The following CCDC186 variants were observed in gnomAD, a reference collection of about 807,000 sequenced individuals.
CCDC186 encodes the protein coiled-coil domain-containing protein 186.
CCDC186 carries 49 observed loss-of-function variants against 113.7 expected under a neutral mutation model. The ratio of observed to expected loss-of-function variants is 0.43; its 90% confidence interval spans 0.34 to 0.55. The LOEUF is 0.55. CCDC186 is among the 20% of genes least tolerant of loss of function. The pLI is 0.02. For missense variants in CCDC186, 890 were observed against 1,011.1 expected (o/e 0.88, Z 1.62); for synonymous variants, 355 against 345.8 (o/e 1.03, Z -0.30).
rs866805347 is a variant in CCDC186 at position 114,149,830 on chromosome 10, A to C, written c.888+1262T>G. Among the ~76,000 whole-genome samples the C allele has an allele frequency of 4.0e-3, 441 of 109,714 alleles. 2 individuals carry two copies. The highest frequency in any genetic ancestry group is 0.012 in the African/African-American group (285 of 24,708). 72.0% of individuals were successfully genotyped at this position (109,714 alleles called of 152,430 possible). A position where few individuals can be genotyped will look rare whatever the true frequency, so the allele number is the denominator to read the frequency against. ...GAAGGAAGGAAGGCAGGAAGGCAGG[A>C]AGGCAGGAAGGCAGGCAGGCAGGCA... On this transcript the variant is annotated intron_variant, in intron 4 of 15. Coordinates refer to ENST00000369287, the MANE Select transcript of CCDC186 (RefSeq NM_018017.4).
chr10:114,121,125 T>C lies in CCDC186; in HGVS notation c.*4018A>G, dbSNP rs1029799459. On this transcript the variant is annotated 3_prime_UTR_variant, in exon 16 of 16. Coordinates refer to ENST00000369287, the MANE Select transcript of CCDC186 (RefSeq NM_018017.4). ...AATACATCTCTAATATACAATTATA[T>C]TTTTCATTTATTTTCCTAAAAATTC... 1.3e-5 allele frequency: 2 copies of C among 152,172 alleles called. No homozygotes were observed. The highest frequency in any genetic ancestry group is 3.8e-4 in the East Asian group (2 of 5,202). 9.4% of individuals were successfully genotyped at this position (152,172 alleles called of 1,614,324 possible). A position where few individuals can be genotyped will look rare whatever the true frequency, so the allele number is the denominator to read the frequency against.
Position 114,123,080 on chromosome 10 carries a change from T to C in CCDC186, c.*2063A>G, listed in dbSNP as rs961960185. ...CTTGGGGAAAAAAATCCAAATATTG[T>C]AGTTTATGAACCTGTATCATAAGAA... On this transcript the variant is annotated 3_prime_UTR_variant, in exon 16 of 16. Transcript: ENST00000369287. 6.6e-6 allele frequency: 1 copy of C among 152,602 alleles called. No individual in the cohort carries two copies. The highest frequency in any genetic ancestry group is 2.4e-5 in the African/African-American group (1 of 41,458). 9.5% of individuals were successfully genotyped at this position (152,602 alleles called of 1,614,324 possible).
intron 1 of CCDC186, among the ~76,000 whole-genome samples, chr10:114,166,159 C>T (rs183083932): frequency 6.6e-6 from 1 of 152,222 alleles, no homozygotes; most frequent in East Asian, 1.9e-4. Flanking sequence ...AACCATTTCA[C>T]GTTTATACCC....
In CCDC186 at chr10:114,137,301, A is replaced by G; in HGVS notation, c.1222-11T>C. 6.2e-7 allele frequency: 1 copy of G among 1,601,214 alleles called. No individual in the cohort carries two copies. The highest frequency in any genetic ancestry group is 2.2e-5 in the East Asian group (1 of 44,768). On this transcript the variant is annotated splice_polypyrimidine_tract_variant and intron_variant, in intron 6 of 15. Transcript: ENST00000369287. ...TTTATCTTTGGTTTCCTGCATTGAC[A>G]AAAGACAGAGACACAGTTGGGTACA...
Position 114,144,593 on chromosome 10 carries a change from G to T in CCDC186, c.1125C>A (p.Ile375=). The change falls in exon 6 of 16, where the codon ATC becomes ATA. Residue 375 remains isoleucine, a synonymous_variant. Transcript: ENST00000369287. ...ETKEGETTRL[I]REIDKLKEDI... ...CTTCCTTTAATTTGTCTATTTCTCTGATGAGTCTAGTCGTTTCGCCTTCCT... is the reference window on the plus strand; with the variant it reads ...CTTCCTTTAATTTGTCTATTTCTCTTATGAGTCTAGTCGTTTCGCCTTCCT... 6.2e-7 allele frequency: 1 copy of T among 1,611,998 alleles called. No individual in the cohort carries two copies. Among genetic ancestry groups the T allele is most frequent in the Non-Finnish European group, 8.5e-7 (1 of 1,178,524 alleles).
At chr10:114,158,900 G>A (rs2032085103) in intron 2 of CCDC186, among the ~76,000 whole-genome samples, 2 of 152,116 alleles carry the variant, frequency 1.3e-5, no homozygotes, top group Non-Finnish European at 2.9e-5. Context: ...TTTTATGTGG[G>A]AAATATGTCA....
intron 6 of CCDC186, among the ~76,000 whole-genome samples, chr10:114,144,036 TTTATA>T (rs906385783): frequency 2.0e-5 from 3 of 152,006 alleles, no homozygotes; most frequent in African/African-American, 7.2e-5. Flanking sequence ...TCTTAAAATC[TTTATA>T]TTATATTTAA....
intron 2 of CCDC186, among the ~76,000 whole-genome samples, chr10:114,160,680 GA>G (rs2032145631): frequency 6.6e-6 from 1 of 152,008 alleles, no homozygotes; most frequent in Non-Finnish European, 1.5e-5. Flanking sequence ...AAAGCTGGGG[GA>G]AAAATGAGGG....
intron 7 of CCDC186, 112 bp from the exon 8 acceptor site, chr10:114,136,358 A>G: frequency 1.5e-6 from 1 of 675,120 alleles, no homozygotes; most frequent in Non-Finnish European, 2.5e-6. Flanking sequence ...CTGTTACGTT[A>G]GGATAAGAGA....
chr10:114,150,825 A>G (rs2031833834), intron 4 of CCDC186, among the ~76,000 whole-genome samples: 1 of 151,942 alleles, frequency 6.6e-6, no homozygotes, highest in African/African-American at 2.4e-5. Context: ...AACTTTTCGT[A>G]TTTTTAGTAG....
chr10:114,127,341 A>G, intron 14 of CCDC186, 120 bp downstream of exon 14: 1 of 913,734 alleles, frequency 1.1e-6, no homozygotes, highest in Middle Eastern at 3.5e-4. Context: ...CTGGGAACTG[A>G]ATAACTATAA....
intron 4 of CCDC186, among the ~76,000 whole-genome samples, chr10:114,149,595 A>G (rs1589621195): frequency 7.3e-5 from 2 of 27,324 alleles, no homozygotes; most frequent in Non-Finnish European, 1.4e-4. Flanking sequence ...AAGGGAAGGG[A>G]AGGGAAGGGA....
At position 114,141,324 on chromosome 10, in the gene CCDC186, C is replaced by T. The variant is rs540269213; in HGVS notation, c.1221+3173G>A. 6.6e-5 allele frequency among the ~76,000 whole-genome samples: 10 copies of T among 152,134 alleles called. 1 individual carries two copies. In the Middle Eastern group the frequency reaches 0.02, roughly 310 times the overall value. On this transcript the variant is annotated intron_variant, in intron 6 of 15. Coordinates refer to ENST00000369287, the MANE Select transcript of CCDC186 (RefSeq NM_018017.4). ...TATGCTTTTAGGTGCCAGAGTTCTT[C>T]GTAGTCATTTAAATATTTTGGGCCT...
chr10:114,159,634 C>A (rs2032106690), intron 2 of CCDC186, among the ~76,000 whole-genome samples: 1 of 134,286 alleles, frequency 7.4e-6, no homozygotes, highest in Non-Finnish European at 1.6e-5. Context: ...GAGCGAGACT[C>A]CGTCTCAAAA....
At chr10:114,148,015 G>A (rs2031700026) in intron 4 of CCDC186, among the ~76,000 whole-genome samples, 1 of 152,114 alleles carries the variant, frequency 6.6e-6, no homozygotes, top group African/African-American at 2.4e-5. Context: ...TGCACCTGTA[G>A]TCCCAGCTAT....
At position 114,134,953 on chromosome 10, in the gene CCDC186, T is replaced by C; in HGVS notation, c.1615A>G (p.Lys539Glu). ...TGTAGCTGATCTGCAGTTTTCACCT[T>C]GTCCAATAAATTCTGAATTTCAGCT... ...QKAEIQNLLDKVKTADQLQEQ... is the reference protein window; with the variant it reads ...QKAEIQNLLDEVKTADQLQEQ... The change falls in exon 10 of 16, where the codon AAG becomes GAG. Residue 539 changes from lysine (K) to glutamate (E), a missense_variant. Lys to Glu is a moderately conservative substitution (Grantham distance 56). Coordinates refer to ENST00000369287, the MANE Select transcript of CCDC186 (RefSeq NM_018017.4). The C allele has an allele frequency of 6.2e-7, 1 of 1,612,730 alleles. No homozygotes were observed. The highest frequency in any genetic ancestry group is 8.5e-7 in the Non-Finnish European group (1 of 1,179,592).
In CCDC186 at chr10:114,172,831, G is replaced by A. The variant is rs563226275; in HGVS notation, c.-62+1184C>T. Among the ~76,000 whole-genome samples, 9 of 152,178 alleles carry A rather than the reference G, an allele frequency of 5.9e-5. No homozygotes were observed. In the East Asian group the frequency reaches 1.7e-3, roughly 29 times the overall value. The stretch of plus-strand genomic sequence containing the variant: ...GGATAAAGAATTGAAGTTACACAGG[G>A]AACAGTGTACATTACACACAGAGAT... On this transcript the variant is annotated intron_variant, in intron 1 of 15. Transcript: ENST00000369287.
rs118174907 is a variant in CCDC186 at position 114,163,568 on chromosome 10, T to C, written c.-61-239A>G. Among the ~76,000 whole-genome samples the C allele has an allele frequency of 5.7e-3, 863 of 152,252 alleles. 3 individuals are homozygous for C. The highest frequency in any genetic ancestry group is 0.027 in the Middle Eastern group (8 of 294). On this transcript the variant is annotated intron_variant, in intron 1 of 15. Transcript: ENST00000369287. ...CCTCCTTCATTTCAGTCAAACAACTTCATTAATTAATTTCAGTTGTAGTCT... is the reference window on the plus strand; with the variant it reads ...CCTCCTTCATTTCAGTCAAACAACTCCATTAATTAATTTCAGTTGTAGTCT...
intron 4 of CCDC186, among the ~76,000 whole-genome samples, chr10:114,149,830 AAGGCAGGAAGGCAGGCAGGC>A (rs1339944845): frequency 4.9e-4 from 54 of 109,860 alleles, no homozygotes; most frequent in South Asian, 7.4e-4. Flanking sequence ...GGAAGGCAGG[AAGGCAGGAAGGCAGGCAGGC>A]AGGCAGGAAG....
Sources: allele counts gnomAD v4.1 joint callset (sites outside exome capture counted in the v4.1 genomes callset), GRCh38; gene constraint gnomAD v4.1.1; transcripts MANE v1.5; gene names NCBI Gene and HGNC (gene_info 2026-07-23, HGNC 2026-07-21).